ITGA8: variants seen among roughly 807,000 people sequenced by gnomAD.
The protein encoded by ITGA8 is integrin subunit alpha 8, also known as integrin alpha-8.
Under a neutral mutation model 142.3 loss-of-function variants are expected in ITGA8, and 91 were observed. The ratio of observed to expected loss-of-function variants is 0.64; its 90% CI spans 0.54 to 0.76. ITGA8 has a LOEUF of 0.76. Ranked by LOEUF, ITGA8 falls within the 30% of genes least tolerant of loss-of-function variation. The pLI, the probability that ITGA8 is intolerant of heterozygous loss-of-function variation, is 0.00. For missense variants in ITGA8, 1,406 were observed against 1,327.7 expected, an observed-to-expected ratio of 1.06 and a Z score of -0.92; for synonymous variants, 505 against 485.2, an observed-to-expected ratio of 1.04 and a Z score of -0.54.
chr10:15,647,882 G>A lies in ITGA8; in HGVS notation c.1002-831C>T, dbSNP rs563757728. Among the ~76,000 whole-genome samples, 81 of 152,278 alleles carry A rather than the reference G, an allele frequency of 5.3e-4. 3 individuals are homozygous for A. The South Asian group carries it at 0.017, about 31-fold the overall frequency. On this transcript the variant is annotated intron_variant, in intron 11 of 29. Coordinates refer to ENST00000378076, the MANE Select transcript of ITGA8 (RefSeq NM_003638.3). ...GTATATCAAGCTGGCTAGAAAGGTA[G>A]CAAACAACTTTTCAGCCCAAATAAA...
intron 27 of ITGA8, among the ~76,000 whole-genome samples, chr10:15,546,883 A>G (rs983336500): frequency 1.3e-5 from 2 of 151,896 alleles, no homozygotes; most frequent in African/African-American, 4.8e-5. Context: ...AAGGGAAGGG[A>G]AAGGAAGAAA....
chr10:15,548,868 T>C (rs1372623626), intron 26 of ITGA8, among the ~76,000 whole-genome samples: 1 of 152,194 alleles, frequency 6.6e-6, no homozygotes, highest in Non-Finnish European at 1.5e-5. Context: ...GCATTGCTTA[T>C]AGATATTCAC....
intron 24 of ITGA8, among the ~76,000 whole-genome samples, chr10:15,574,009 A>G (rs986560680): frequency 3.3e-5 from 5 of 152,098 alleles, no homozygotes; most frequent in South Asian, 4.1e-4. Flanking sequence ...ATTTTTAGAG[A>G]TTGGCCCTTG....
At chr10:15,655,288 G>T in intron 11 of ITGA8, 66 bp downstream of exon 11, 1 of 1,090,132 alleles carries the variant, frequency 9.2e-7, no homozygotes, top group South Asian at 1.4e-5. Flanking sequence ...ATTTTGTGAA[G>T]GAAAAACATA....
At chr10:15,662,259 T>C (rs1834302169) in intron 8 of ITGA8, among the ~76,000 whole-genome samples, 1 of 151,694 alleles carries the variant, frequency 6.6e-6, no homozygotes, top group African/African-American at 2.4e-5. Flanking sequence ...ACAAAAAATA[T>C]TCAGTTGCAA....
intron 27 of ITGA8, among the ~76,000 whole-genome samples, chr10:15,541,924 A>C (rs372896338): frequency 6.6e-6 from 1 of 152,150 alleles, no homozygotes; most frequent in Non-Finnish European, 1.5e-5. Context: ...AAGCCAGTAC[A>C]TTCGGCCCCT....
At chr10:15,635,178 T>C (rs987500821) in intron 13 of ITGA8, among the ~76,000 whole-genome samples, 4 of 151,974 alleles carry the variant, frequency 2.6e-5, no homozygotes, top group Non-Finnish European at 5.9e-5. Context: ...AGCTAATTTT[T>C]GTATTTTTAG....
At chr10:15,687,379 T>C (rs1477642778) in intron 3 of ITGA8, among the ~76,000 whole-genome samples, 1 of 152,162 alleles carries the variant, frequency 6.6e-6, no homozygotes, top group Non-Finnish European at 1.5e-5. Flanking sequence ...GTATCATTGC[T>C]CAGAACAATA....
At chr10:15,606,564 G>A (rs1397445096) in intron 17 of ITGA8, 142 bp from the exon 18 acceptor site, 12 of 733,976 alleles carry the variant, frequency 1.6e-5, no homozygotes, top group Non-Finnish European at 2.2e-6. Context: ...TTAGATGGAG[G>A]CTGATTTATG....
intron 11 of ITGA8, among the ~76,000 whole-genome samples, chr10:15,647,981 G>A (rs897636660): frequency 1.3e-5 from 2 of 152,076 alleles, no homozygotes; most frequent in African/African-American, 4.8e-5. Flanking sequence ...AAATTTTCAA[G>A]AGATATTCAA....
intron 25 of ITGA8, among the ~76,000 whole-genome samples, chr10:15,559,084 T>C (rs1280778958): frequency 6.6e-6 from 1 of 152,214 alleles, no homozygotes; most frequent in African/African-American, 2.4e-5. Context: ...ACATGGCCGA[T>C]GTAGGCTGCA....
At chr10:15,585,521 G>A (rs936922480) in intron 23 of ITGA8, among the ~76,000 whole-genome samples, 12 of 152,282 alleles carry the variant, frequency 7.9e-5, no homozygotes, top group Admixed American at 4.6e-4. Context: ...TGTCATCATC[G>A]AAGCTTGTAA....
chr10:15,666,606 A>G (rs1834398477), intron 8 of ITGA8, among the ~76,000 whole-genome samples: 1 of 152,168 alleles, frequency 6.6e-6, no homozygotes, highest in African/African-American at 2.4e-5. Flanking sequence ...CAGTTTTCAA[A>G]GGGAATGCTT....
chr10:15,589,212 A>G (rs1051841592), intron 22 of ITGA8, among the ~76,000 whole-genome samples: 1 of 152,098 alleles, frequency 6.6e-6, no homozygotes, highest in Non-Finnish European at 1.5e-5. Flanking sequence ...CTCCAATGCT[A>G]TTTTCTTTTT....
At chr10:15,642,823 G>C (rs116790082) in intron 13 of ITGA8, among the ~76,000 whole-genome samples, 6 of 152,112 alleles carry the variant, frequency 3.9e-5, no homozygotes, top group African/African-American at 1.4e-4. Flanking sequence ...AAAGCCAAAG[G>C]CCTGAAATTA....
chr10:15,686,752 A>C (rs892967279), intron 3 of ITGA8, among the ~76,000 whole-genome samples: 2 of 152,138 alleles, frequency 1.3e-5, no homozygotes, highest in African/African-American at 4.8e-5. Flanking sequence ...GTATTATCCT[A>C]TTTCCCATCA....
At chr10:15,561,209 CTA>C (rs529527480) in intron 25 of ITGA8, among the ~76,000 whole-genome samples, 4,800 of 116,872 alleles carry the variant, frequency 0.041, 224 homozygotes, top group African/African-American at 0.13. Context: ...TATCTGTTGG[CTA>C]TATATATATA....
intron 26 of ITGA8, among the ~76,000 whole-genome samples, chr10:15,553,665 T>C (rs1389492530): frequency 5.9e-5 from 9 of 152,166 alleles, no homozygotes. Flanking sequence ...TTACATGTCT[T>C]TTATCCTAAT....
intron 14 of ITGA8, among the ~76,000 whole-genome samples, chr10:15,616,172 C>A (rs1048445259): frequency 6.6e-6 from 1 of 152,162 alleles, no homozygotes; most frequent in Non-Finnish European, 1.5e-5. Flanking sequence ...ATTCTTCTAC[C>A]CTGCACCGCT....
Sources: gnomAD v4.1 joint callset for allele counts (sites outside exome capture counted in the v4.1 genomes callset) on GRCh38, gnomAD v4.1.1 for gene constraint, MANE v1.5 for transcripts, NCBI Gene and HGNC (gene_info 2026-07-23, HGNC 2026-07-21) for gene names.